The following LMO7 variants were observed in gnomAD, a reference collection of about 807,000 sequenced individuals.
LMO7 encodes LIM domain only protein 7.
Under a neutral mutation model 206.5 loss-of-function variants are expected in LMO7, and 120 were observed. The ratio of observed to expected loss-of-function variants is 0.58; its 90% CI spans 0.50 to 0.68. The LOEUF (loss-of-function observed/expected upper bound fraction) is 0.68, where lower values mean the gene tolerates loss of function less well. Among genes scored for constraint, LMO7 ranks in the 30% least tolerant of loss-of-function variants. The pLI is 0.00. For synonymous variants in LMO7, 706 were observed against 681.5 expected, an observed-to-expected ratio of 1.04 and a Z score of -0.56; for missense variants, 1,959 against 1,957.9, an observed-to-expected ratio of 1.00 and a Z score of -0.01.
chr13:75,766,534 G>A (rs1167935490), intron 4 of LMO7, among the ~76,000 whole-genome samples: 1 of 103,634 alleles, frequency 9.6e-6, no homozygotes, highest in Non-Finnish European at 2.0e-5. Flanking sequence ...ATAAGATGGA[G>A]ACCTGCCCTC....
chr13:75,724,671 C>A (rs948193972), intron 2 of LMO7, among the ~76,000 whole-genome samples: 1 of 151,990 alleles, frequency 6.6e-6, no homozygotes, highest in Non-Finnish European at 1.5e-5. Context: ...TTTATAAGAC[C>A]CATTGTTTTT....
chr13:75,805,255 G>T, intron 8 of LMO7: 1 of 1,046,322 alleles, frequency 9.6e-7, no homozygotes. Context: ...TTTTAACACA[G>T]CTTCTAATGA....
At chr13:75,623,229 G>C in intron 1 of LMO7, 3 of 936,712 alleles carry the variant, frequency 3.2e-6, no homozygotes, top group Non-Finnish European at 5.1e-6. Context: ...TTTTTTTTCT[G>C]TATTGGTTTT....
chr13:75,701,956 T>C (rs563952389), intron 1 of LMO7, among the ~76,000 whole-genome samples: 75 of 152,362 alleles, frequency 4.9e-4, no homozygotes, highest in African/African-American at 1.8e-3. Flanking sequence ...TTCCCTGTTT[T>C]ATTTAGTTTT....
At chr13:75,854,983 A>G (rs1327867118) in intron 28 of LMO7, 2 of 324,584 alleles carry the variant, frequency 6.2e-6, no homozygotes, top group Non-Finnish European at 1.2e-5. Flanking sequence ...TGATCAAAGG[A>G]AGATAGTATC....
At position 75,700,735 on chromosome 13, in the gene LMO7, G is replaced by A. The variant is rs149994794; in HGVS notation, c.70-12447G>A. On this transcript the variant is annotated intron_variant, in intron 1 of 30. Coordinates refer to ENST00000377534, the MANE Select transcript of LMO7 (RefSeq NM_001306080.2). ...CTGCTAAGAGACTCATGGGCAGGGA[G>A]CACATGCAGTGTGAATATGCTGGAC... is the stretch of plus-strand genomic sequence containing the variant. 1.4e-3 allele frequency among the ~76,000 whole-genome samples: 219 copies of A among 152,356 alleles called. 3 individuals are homozygous for A. Among genetic ancestry groups the A allele is most frequent in the African/African-American group, 5.2e-3 (215 of 41,586 alleles).
intron 18 of LMO7, 41 bp from the exon 19 acceptor site, chr13:75,836,356 C>A (rs1338121347): frequency 8.9e-7 from 1 of 1,124,772 alleles, no homozygotes; most frequent in Non-Finnish European, 1.3e-6. Flanking sequence ...GGCCAAAGTC[C>A]AACTGGAGAG....
chr13:75,699,418 T>G (rs77466411), intron 1 of LMO7, among the ~76,000 whole-genome samples: 2,988 of 151,884 alleles, frequency 0.02, 95 homozygotes, highest in African/African-American at 0.064. Flanking sequence ...TTTTTTTTTT[T>G]TTTTACTGTA....
At chr13:75,812,765 A>G (rs969926745) in intron 11 of LMO7, among the ~76,000 whole-genome samples, 14 of 151,184 alleles carry the variant, frequency 9.3e-5, no homozygotes, top group African/African-American at 3.4e-4. Context: ...GCAAGATGCT[A>G]GATCTGTATT....
Position 75,836,405 on chromosome 13 carries a change from A to G in LMO7, c.3342A>G (p.Glu1114=), listed in dbSNP as rs149745060. ...FSESLQSSNI[E]SKEINGIHDE... is the part of the protein sequence containing the mutation. ...ATTTTTACCCTTTCCAGAATATTGAATCCAAAGAAATCAATGGAATTCATG... is the reference window on the plus strand; with the variant it reads ...ATTTTTACCCTTTCCAGAATATTGAGTCCAAAGAAATCAATGGAATTCATG... Residue 1114 remains glutamate, a synonymous_variant, in exon 19 of 31, where the codon GAA becomes GAG. Coordinates refer to ENST00000377534, the MANE Select transcript of LMO7 (RefSeq NM_001306080.2). 1.6e-4 allele frequency: 247 copies of G among 1,539,840 alleles called. No individual in the cohort carries two copies. The highest frequency in any genetic ancestry group is 2.0e-4 in the Non-Finnish European group (229 of 1,126,778).
At chr13:75,623,735 A>T (rs908499622) in intron 2 of LMO7, among the ~76,000 whole-genome samples, 4 of 152,170 alleles carry the variant, frequency 2.6e-5, no homozygotes, top group Admixed American at 2.0e-4. Context: ...TTTTCTTTCA[A>T]AACAATGAAA....
At chr13:75,662,319 A>G (rs920349920) in intron 1 of LMO7, among the ~76,000 whole-genome samples, 5 of 152,126 alleles carry the variant, frequency 3.3e-5, no homozygotes, top group Admixed American at 2.0e-4. Flanking sequence ...CCTTGAAACA[A>G]AGTTTGTTTT....
intron 16 of LMO7, 58 bp downstream of exon 16, chr13:75,833,223 G>GTCCCCAACCCCACAATGAA: frequency 2.9e-6 from 3 of 1,025,980 alleles, no homozygotes; most frequent in Non-Finnish European, 4.6e-6. Context: ...CTTCATTGTG[G>GTCCCCAACCCCACAATGAA]GGTTGGGGAC....
intron 4 of LMO7, among the ~76,000 whole-genome samples, chr13:75,767,916 AT>A (rs1237704004): frequency 1.3e-5 from 2 of 152,058 alleles, no homozygotes; most frequent in African/African-American, 4.8e-5. Flanking sequence ...GCAAATAATT[AT>A]TTATTGCTTG....
At chr13:75,630,807 CTTTTTTCT>C (rs144560777) in intron 2 of LMO7, among the ~76,000 whole-genome samples, 18,085 of 151,820 alleles carry the variant, frequency 0.12, 1,516 homozygotes, top group East Asian at 0.29. Flanking sequence ...TGCCTGTTTT[CTTTTTTCT>C]TTTTTTCTTT....
intron 1 of LMO7, among the ~76,000 whole-genome samples, chr13:75,682,156 G>A (rs779713436): frequency 2.0e-4 from 30 of 152,148 alleles, no homozygotes; most frequent in Non-Finnish European, 4.0e-4. Context: ...GCTATTTTGA[G>A]TTCTTAAAAT....
intron 1 of LMO7, among the ~76,000 whole-genome samples, chr13:75,653,749 A>G (rs1360580043): frequency 6.6e-6 from 1 of 152,240 alleles, no homozygotes; most frequent in Non-Finnish European, 1.5e-5. Context: ...CTATAATGAC[A>G]GAGTCCAGTA....
intron 1 of LMO7, among the ~76,000 whole-genome samples, chr13:75,652,492 C>G (rs1412320344): frequency 6.6e-6 from 1 of 152,158 alleles, no homozygotes; most frequent in Admixed American, 6.5e-5. Flanking sequence ...TTTTCTTCTA[C>G]TGTTTTCTCT....
chr13:75,720,130 T>C (rs576577458), intron 2 of LMO7, among the ~76,000 whole-genome samples: 1 of 152,352 alleles, frequency 6.6e-6, no homozygotes, highest in Admixed American at 6.5e-5. Flanking sequence ...GTCATCTGTG[T>C]GTCTTCCTTA....
Sources: gnomAD v4.1 joint callset for allele counts (sites outside exome capture counted in the v4.1 genomes callset) on GRCh38, gnomAD v4.1.1 for gene constraint, MANE v1.5 for transcripts, NCBI Gene and HGNC (gene_info 2026-07-23, HGNC 2026-07-21) for gene names.